The following MOCOS variants were observed in gnomAD, a reference collection of about 807,000 sequenced individuals.
MOCOS encodes human molybdenum cofactor sulfurase.
In MOCOS, 86 loss-of-function variants were observed where a neutral mutation model predicts 83.6. That is an observed-to-expected ratio of 1.03 (90% confidence interval 0.86 to 1.23). MOCOS has a LOEUF of 1.23. MOCOS is among the 50% of genes most tolerant of loss of function. MOCOS has a pLI of 0.00. For missense variants in MOCOS, 1,120 were observed against 1,126.9 expected, an observed-to-expected ratio of 0.99 and a Z score of 0.09; for synonymous variants, 445 against 434.7, an observed-to-expected ratio of 1.02 and a Z score of -0.29.
intron 6 of MOCOS, among the ~76,000 whole-genome samples, chr18:36,212,958 C>G (rs1235105052): frequency 6.6e-6 from 1 of 152,164 alleles, no homozygotes; most frequent in African/African-American, 2.4e-5. Flanking sequence ...CCTCCCAGAG[C>G]CTTCAGAGGG....
rs894515868 is a variant in MOCOS, at chr18:36,198,820, T to C, written c.299+64T>C. 7 of 1,553,032 alleles carry C rather than the reference T, an allele frequency of 4.5e-6. No individual in the cohort carries two copies. The African/African-American group carries it at 9.5e-5, about 21-fold the overall frequency. On this transcript the variant is annotated intron_variant, in intron 3 of 14. Transcript: ENST00000261326. The stretch of plus-strand genomic sequence containing the variant: ...GGCAGACAGACTTCCTTCCTAGGAC[T>C]TGCCTGCATCCCACAAAAGTTCTGA...
intron 9 of MOCOS, among the ~76,000 whole-genome samples, chr18:36,239,997 A>C (rs1245689617): frequency 7.2e-6 from 1 of 139,312 alleles, no homozygotes; most frequent in East Asian, 2.0e-4. Context: ...AGCTCCTTTA[A>C]GCACTTCTCT....
At chr18:36,188,424 A>G (rs963493490) in intron 1 of MOCOS, among the ~76,000 whole-genome samples, 1 of 152,170 alleles carries the variant, frequency 6.6e-6, no homozygotes, top group East Asian at 1.9e-4. Flanking sequence ...ATCAAGCTCC[A>G]TCTGGCCTTG....
chr18:36,245,800 C>T (rs539875951), intron 9 of MOCOS, among the ~76,000 whole-genome samples: 1 of 152,260 alleles, frequency 6.6e-6, no homozygotes, highest in East Asian at 1.9e-4. Context: ...TCCAAAATTT[C>T]ATGGAGACTT....
At chr18:36,227,478 C>T (rs1688536591) in intron 9 of MOCOS, among the ~76,000 whole-genome samples, 1 of 151,984 alleles carries the variant, frequency 6.6e-6, no homozygotes, top group African/African-American at 2.4e-5. Context: ...TCACTGCAAC[C>T]TCTGCCTCCT....
chr18:36,215,739 T>C lies in MOCOS; in HGVS notation c.1559T>C (p.Ile520Thr), dbSNP rs775142095. The C allele has an allele frequency of 2.5e-6, 4 of 1,614,242 alleles. No individual in the cohort carries two copies. The East Asian group carries it at 8.9e-5, about 36-fold the overall frequency. Residue 520 changes from isoleucine (I) to threonine (T), a missense_variant, in exon 8 of 15, where the codon ATA becomes ACA. By Grantham distance (89) the Ile-to-Thr change is moderately conservative (BLOSUM62 -1). Transcript: ENST00000261326. Reference sequence around the variant, plus strand: ...TCAGCAGACAGCCAGGCTGATGTTATACCTGCTGTCATGGGCAGACGTAGC... The same window carrying C: ...TCAGCAGACAGCCAGGCTGATGTTACACCTGCTGTCATGGGCAGACGTAGC... ...APSADSQADV[I>T]PAVMGRRSLS...
chr18:36,205,222 A>G lies in MOCOS; in HGVS notation c.1164A>G (p.Pro388=), dbSNP rs667667. ...TCAGCAGCCCTGAGGTTCAGGGCCC[A>G]ATCATCAATTTTAATGTGCTGGATG... ...SEFSSPEVQG[P]IINFNVLDDK... The change falls in exon 6 of 15, where the codon CCA becomes CCG. Residue 388 remains proline, a synonymous_variant. Transcript: ENST00000261326. 1,611,523 of 1,613,906 alleles carry G rather than the reference A, an allele frequency of 1. 804,602 individuals carry two copies. Among genetic ancestry groups the G allele is most frequent in the East Asian group, 1 (44,830 of 44,834 alleles).
intron 9 of MOCOS, among the ~76,000 whole-genome samples, chr18:36,224,171 A>C (rs140354539): frequency 9.9e-5 from 15 of 152,276 alleles, no homozygotes; most frequent in East Asian, 1.9e-4. Flanking sequence ...TTATTAGTTT[A>C]ACAGTTTTTT....
intron 7 of MOCOS, 122 bp from the exon 8 acceptor site, chr18:36,215,394 A>T: frequency 4.5e-6 from 4 of 894,372 alleles, no homozygotes; most frequent in Non-Finnish European, 7.1e-6. Context: ...GCACATATTA[A>T]TGTTGCAGTT....
intron 12 of MOCOS, 54 bp downstream of exon 12, chr18:36,257,127 A>T: frequency 6.7e-7 from 1 of 1,482,584 alleles, no homozygotes. Context: ...TGCCACTGGG[A>T]GCAGGGCCTG....
intron 2 of MOCOS, among the ~76,000 whole-genome samples, chr18:36,196,548 G>C (rs1412365757): frequency 6.6e-6 from 1 of 152,092 alleles, no homozygotes; most frequent in East Asian, 1.9e-4. Flanking sequence ...CACATTAAGG[G>C]GTTTGGATTT....
At chr18:36,194,236 A>G (rs1273737831) in intron 1 of MOCOS, among the ~76,000 whole-genome samples, 1 of 152,196 alleles carries the variant, frequency 6.6e-6, no homozygotes, top group African/African-American at 2.4e-5. Context: ...TGAATATGTT[A>G]AAAACCACTG....
Position 36,251,354 on chromosome 18 carries a change from A to C in MOCOS, c.2164+71A>C. The C allele has an allele frequency of 4.4e-6, 7 of 1,573,446 alleles. No homozygotes were observed. The African/African-American group carries it at 8.1e-5, about 18-fold the overall frequency. ...ACCCTTGCACACATCAAAACAGCCCATGAACTGCACTTACGGGTGACTTGC... is the reference window on the plus strand; with the variant it reads ...ACCCTTGCACACATCAAAACAGCCCCTGAACTGCACTTACGGGTGACTTGC... On this transcript the variant is annotated intron_variant, in intron 11 of 14. Coordinates refer to ENST00000261326, the MANE Select transcript of MOCOS (RefSeq NM_017947.4).
Position 36,205,211 on chromosome 18 carries a change from G to A in MOCOS, c.1153G>A (p.Val385Ile). 6.2e-7 allele frequency: 1 copy of A among 1,613,880 alleles called. No homozygotes were observed. The highest frequency in any genetic ancestry group is 8.5e-7 in the Non-Finnish European group (1 of 1,179,900). Reference protein sequence around the residue: ...YSDSEFSSPEVQGPIINFNVL... With the variant: ...YSDSEFSSPEIQGPIINFNVL... ...CGATTCTGAGTTCAGCAGCCCTGAG[G>A]TTCAGGGCCCAATCATCAATTTTAA... Residue 385 changes from valine (V) to isoleucine (I), a missense_variant, in exon 6 of 15, where the codon GTT becomes ATT. By Grantham distance (29) the Val-to-Ile change is conservative. Transcript: ENST00000261326.
intron 9 of MOCOS, among the ~76,000 whole-genome samples, chr18:36,239,469 C>T (rs1272370735): frequency 6.6e-6 from 1 of 151,690 alleles, no homozygotes; most frequent in Non-Finnish European, 1.5e-5. Context: ...GGCCCCCACT[C>T]TCTTCTGGCT....
At chr18:36,235,046 G>C (rs996079636) in intron 9 of MOCOS, among the ~76,000 whole-genome samples, 1 of 151,960 alleles carries the variant, frequency 6.6e-6, no homozygotes, top group Admixed American at 6.6e-5. Flanking sequence ...ATATTATTCT[G>C]CCCCTGGCCC....
intron 9 of MOCOS, among the ~76,000 whole-genome samples, chr18:36,240,591 T>C (rs2091577861): frequency 6.6e-6 from 1 of 152,016 alleles, no homozygotes; most frequent in South Asian, 2.1e-4. Flanking sequence ...TCTTTTTGTT[T>C]GTCTGTGCCC....
chr18:36,234,323 G>A (rs528679737), intron 9 of MOCOS, among the ~76,000 whole-genome samples: 54 of 152,184 alleles, frequency 3.5e-4, no homozygotes, highest in African/African-American at 1.2e-3. Flanking sequence ...TTGCTTTGTC[G>A]AAGATCAGTT....
intron 9 of MOCOS, among the ~76,000 whole-genome samples, chr18:36,241,924 G>A (rs1005041573): frequency 2.0e-5 from 3 of 152,182 alleles, no homozygotes; most frequent in African/African-American, 4.8e-5. Flanking sequence ...AGAATGCAGG[G>A]CACCAAATCC....
Sources: allele counts gnomAD v4.1 joint callset (sites outside exome capture counted in the v4.1 genomes callset), GRCh38; gene constraint gnomAD v4.1.1; transcripts MANE v1.5; gene names NCBI Gene and HGNC (gene_info 2026-07-23, HGNC 2026-07-21).